DOC2B: variants seen among roughly 807,000 people sequenced by gnomAD.
DOC2B encodes double C2-like domain-containing protein beta.
Under a neutral mutation model 28.9 loss-of-function variants are expected in DOC2B, and 21 were observed. That is an observed-to-expected ratio of 0.73 (90% CI 0.52 to 1.05). DOC2B has a LOEUF of 1.05. Ranked by LOEUF, DOC2B falls within the 50% of genes least tolerant of loss-of-function variation. DOC2B has a pLI of 0.00. For missense variants in DOC2B, 384 were observed against 421.1 expected, an observed-to-expected ratio of 0.91 and a Z score of 0.77; for synonymous variants, 194 against 178.1, an observed-to-expected ratio of 1.09 and a Z score of -0.71.
chr17:156,979 C>A (rs1011054563), intron 5 of DOC2B, among the ~76,000 whole-genome samples: 1 of 152,186 alleles, frequency 6.6e-6, no homozygotes, highest in Non-Finnish European at 1.5e-5. Flanking sequence ...CCATTAACAC[C>A]GTGTTGTTGG....
chr17:180,957 C>A, intron 1 of DOC2B, 150 bp downstream of exon 1: 1 of 609,002 alleles, frequency 1.6e-6, no homozygotes, highest in Non-Finnish European at 2.3e-6. Flanking sequence ...GCACCGAGTG[C>A]GCCAGGGGCC....
chr17:171,920 G>T (rs536247122), intron 2 of DOC2B, among the ~76,000 whole-genome samples: 243 of 131,184 alleles, frequency 1.9e-3, no homozygotes, highest in Middle Eastern at 3.7e-3. Context: ...AGGCTGCAGA[G>T]GGGAGCACCA....
At chr17:162,886 G>A (rs1037763574) in intron 3 of DOC2B, among the ~76,000 whole-genome samples, 8 of 152,118 alleles carry the variant, frequency 5.3e-5, no homozygotes, top group African/African-American at 1.2e-4. Flanking sequence ...CCTCGGGGGT[G>A]GCCTCTCCGA....
chr17:161,477 G>T lies in DOC2B; in HGVS notation c.703C>A (p.Leu235Met). ...GTGTGGTTGGGTTTCAGCTTCTTCAGGGGCACACGTGTCTCCCCGATGAAC... is the reference window on the plus strand; with the variant it reads ...GTGTGGTTGGGTTTCAGCTTCTTCATGGGCACACGTGTCTCCCCGATGAAC... ...NEFIGETRVPLKKLKPNHTKT... is the reference protein window; with the variant it reads ...NEFIGETRVPMKKLKPNHTKT... The change falls in exon 5 of 9, where the codon CTG (leucine) becomes ATG (methionine). Residue 235 changes from leucine (L) to methionine (M), a missense_variant. Physicochemically the swap from Leu to Met is conservative, Grantham distance 15. Transcript: ENST00000613549. 1 of 1,551,732 alleles carries T rather than the reference G, an allele frequency of 6.4e-7. No homozygotes were observed. The highest frequency in any genetic ancestry group is 8.7e-7 in the Non-Finnish European group (1 of 1,147,004).
At chr17:159,531 T>G (rs2040175096) in intron 5 of DOC2B, among the ~76,000 whole-genome samples, 1 of 152,090 alleles carries the variant, frequency 6.6e-6, no homozygotes, top group Non-Finnish European at 1.5e-5. Context: ...GGCTGAGGCA[T>G]GAGAATTGTT....
chr17:146,118 G>A lies in DOC2B; in HGVS notation c.*1323C>T, dbSNP rs1413086024. The A allele has an allele frequency of 2.6e-5, 4 of 152,294 alleles. No homozygotes were observed. Among genetic ancestry groups the A allele is most frequent in the Non-Finnish European group, 5.9e-5 (4 of 68,104 alleles). 9.4% of individuals were successfully genotyped at this position (152,294 alleles called of 1,614,324 possible). ...AGGCCCACCAGCCAGGGTGATTCTTGCTCAGCTCCTGGAGGGTGGAGCTGG... is the reference window on the plus strand; with the variant it reads ...AGGCCCACCAGCCAGGGTGATTCTTACTCAGCTCCTGGAGGGTGGAGCTGG... On this transcript the variant is annotated 3_prime_UTR_variant, in exon 9 of 9. Coordinates refer to ENST00000613549, the MANE Select transcript of DOC2B (RefSeq NM_003585.5).
At chr17:176,973 C>T (rs972232967) in intron 1 of DOC2B, among the ~76,000 whole-genome samples, 1 of 151,824 alleles carries the variant, frequency 6.6e-6, no homozygotes, top group East Asian at 1.9e-4. Context: ...ATCATCATAA[C>T]CTTGGTTTGC....
intron 3 of DOC2B, chr17:163,749 G>A (rs748907613): frequency 6.8e-5 from 14 of 205,114 alleles, no homozygotes; most frequent in Non-Finnish European, 1.2e-4. Flanking sequence ...CTGTGGTACA[G>A]AAACCTGTTT....
chr17:159,796 C>A (rs148715343), intron 5 of DOC2B, among the ~76,000 whole-genome samples: 3 of 152,044 alleles, frequency 2.0e-5, no homozygotes, highest in African/African-American at 7.2e-5. Context: ...CTTTCACGAA[C>A]GCACACCACA....
rs980802483 is a variant in DOC2B, at chr17:148,201, G to A, written c.1074C>T (p.Tyr358=). 3.4e-4 allele frequency: 136 copies of A among 398,636 alleles called. No individual in the cohort carries two copies. Among genetic ancestry groups the A allele is most frequent in the Middle Eastern group, 6.3e-4 (1 of 1,590 alleles). The allele number at this position is 398,636 out of a possible 1,614,324, so 24.7% of individuals were successfully genotyped here. A position where few individuals can be genotyped will look rare whatever the true frequency, so the allele number is the denominator to read the frequency against. The change falls in exon 8 of 9, where the codon TAC becomes TAT. Residue 358 remains tyrosine, a synonymous_variant. Transcript: ENST00000613549. The part of the protein sequence containing the change: ...KKSLEVTVWD[Y]DIGKSNDFIG... ...TGAAATCGTTGGATTTTCCAATGTC[G>A]TAATCCCAAACGGTGACCTCCAGGG... is the stretch of plus-strand genomic sequence containing the variant.
At chr17:162,807 C>T (rs1215801877) in intron 3 of DOC2B, among the ~76,000 whole-genome samples, 1 of 152,206 alleles carries the variant, frequency 6.6e-6, no homozygotes, top group Non-Finnish European at 1.5e-5. Context: ...CTGGAGTCTC[C>T]TTCCCAGGGC....
chr17:160,512 C>T (rs556314245), intron 5 of DOC2B, among the ~76,000 whole-genome samples: 1 of 149,996 alleles, frequency 6.7e-6, no homozygotes, highest in South Asian at 2.1e-4. Flanking sequence ...GGGCTGGGTA[C>T]ACTGGGGACA....
At chr17:157,689 C>A (rs539833334) in intron 5 of DOC2B, among the ~76,000 whole-genome samples, 2 of 152,304 alleles carry the variant, frequency 1.3e-5, no homozygotes, top group African/African-American at 4.8e-5. Flanking sequence ...AGTGATCCAC[C>A]CACCTCAGCC....
At chr17:164,263 C>G in intron 2 of DOC2B, 59 bp from the exon 3 acceptor site, 1 of 1,316,822 alleles carries the variant, frequency 7.6e-7, no homozygotes, top group East Asian at 2.5e-5. Context: ...ACTGACAGGG[C>G]CTGCAGATGC....
intron 2 of DOC2B, among the ~76,000 whole-genome samples, chr17:171,933 G>A (rs2040315498): frequency 7.2e-6 from 1 of 138,466 alleles, no homozygotes; most frequent in African/African-American, 2.7e-5. Flanking sequence ...GAGCACCAGG[G>A]GCCGGGCCAG....
At chr17:170,635 C>A (rs372957423) in intron 2 of DOC2B, among the ~76,000 whole-genome samples, 2 of 152,164 alleles carry the variant, frequency 1.3e-5, no homozygotes, top group Non-Finnish European at 2.9e-5. Flanking sequence ...CCTTACCTTG[C>A]GAGAGAACAT....
intron 6 of DOC2B, among the ~76,000 whole-genome samples, chr17:155,412 C>T (rs2040123490): frequency 6.6e-6 from 1 of 152,164 alleles, no homozygotes; most frequent in African/African-American, 2.4e-5. Context: ...GCCTTAGTCA[C>T]CTGGGTCCTT....
At chr17:153,555 G>T (rs748117415) in intron 6 of DOC2B, among the ~76,000 whole-genome samples, 1 of 152,170 alleles carries the variant, frequency 6.6e-6, no homozygotes, top group Non-Finnish European at 1.5e-5. Context: ...ACAAAAATTA[G>T]CCTGGCGTGG....
chr17:161,965 G>T, intron 4 of DOC2B, 116 bp downstream of exon 4: 1 of 736,652 alleles, frequency 1.4e-6, no homozygotes, highest in Non-Finnish European at 2.3e-6. Context: ...TGGAGTTGCT[G>T]GCATGAGGTT....
Sources: allele counts gnomAD v4.1 joint callset (sites outside exome capture counted in the v4.1 genomes callset), GRCh38; gene constraint gnomAD v4.1.1; transcripts MANE v1.5; gene names NCBI Gene and HGNC (gene_info 2026-07-23, HGNC 2026-07-21).